C8orf74: variants seen among roughly 807,000 people sequenced by gnomAD.
C8orf74 encodes uncharacterized protein C8orf74.
In C8orf74, 29 loss-of-function variants were observed where a neutral mutation model predicts 22.2. That is an observed-to-expected ratio of 1.31 (90% CI 0.97 to 1.78). The LOEUF (loss-of-function observed/expected upper bound fraction) is 1.78. Ranked by LOEUF, C8orf74 falls within the 40% of genes most tolerant of loss-of-function variation. The pLI is 0.00. For missense variants in C8orf74, 515 were observed against 369.9 expected (o/e 1.39, Z -3.22); for synonymous variants, 255 against 163.1 (o/e 1.56, Z -4.30).
intron 2 of C8orf74, among the ~76,000 whole-genome samples, chr8:10,680,746 C>G (rs1376542471): frequency 6.6e-6 from 1 of 152,176 alleles, no homozygotes. Flanking sequence ...GAGCAGGAAG[C>G]TGTTTGCTGT....
In C8orf74 at chr8:10,676,618, G is replaced by A. The variant is rs534037232; in HGVS notation, c.241+1780G>A. Among the ~76,000 whole-genome samples, 16 of 152,166 alleles carry A rather than the reference G, an allele frequency of 1.1e-4. No homozygotes were observed. In the East Asian group the frequency reaches 2.5e-3, roughly 24 times the overall value. ...TTCCAATTCTCTCCTGCCAGCCTGC[G>A]TTCCCACCCAGTGGTCCCAGCCTAA... On this transcript the variant is annotated intron_variant, in intron 2 of 3. Transcript: ENST00000304519.
chr8:10,696,740 G>T (rs1183110729), intron 2 of C8orf74, among the ~76,000 whole-genome samples: 1 of 151,882 alleles, frequency 6.6e-6, no homozygotes, highest in African/African-American at 2.4e-5. Flanking sequence ...GAGCCATCAC[G>T]CCCCACTGCC....
At chr8:10,696,541 G>C (rs1799505904) in intron 2 of C8orf74, among the ~76,000 whole-genome samples, 1 of 146,016 alleles carries the variant, frequency 6.8e-6, no homozygotes, top group Non-Finnish European at 1.5e-5. Flanking sequence ...TCCACCTCCT[G>C]GGTTCAAGCA....
chr8:10,698,065 G>T (rs1799571031), intron 3 of C8orf74, 60 bp downstream of exon 3: 1 of 1,425,420 alleles, frequency 7.0e-7, no homozygotes, highest in Non-Finnish European at 9.2e-7. Flanking sequence ...ACCAGCCAGG[G>T]CTGGAGTCAC....
chr8:10,679,457 A>C (rs888777214), intron 2 of C8orf74, among the ~76,000 whole-genome samples: 8 of 152,076 alleles, frequency 5.3e-5, no homozygotes, highest in Admixed American at 5.2e-4. Flanking sequence ...CCCCAGCCCT[A>C]ACCTTGATCT....
intron 2 of C8orf74, among the ~76,000 whole-genome samples, chr8:10,677,230 G>T (rs556337153): frequency 6.6e-6 from 1 of 152,084 alleles, no homozygotes; most frequent in Non-Finnish European, 1.5e-5. Context: ...GTCCTTTCTT[G>T]TATCTAGCCT....
At chr8:10,674,933 G>GCTCCTCCA in intron 2 of C8orf74, 95 bp downstream of exon 2, 2 of 1,071,000 alleles carry the variant, frequency 1.9e-6, no homozygotes, top group Non-Finnish European at 2.7e-6. Context: ...AGCAGCCTTG[G>GCTCCTCCA]AGGAGCCAGG....
rs762405421 is a variant in C8orf74 at position 10,674,755 on chromosome 8, T to A, written c.158T>A (p.Ile53Asn). ...ILLDTLYESI[I>N]FAVGKGFPWV... ...CTGGACACCCTCTACGAGAGCATCA[T>A]CTTTGCAGTGGGCAAAGGCTTCCCA... The change falls in exon 2 of 4, where the codon ATC (isoleucine) becomes AAC (asparagine). Residue 53 changes from isoleucine (I) to asparagine (N), a missense_variant. Transcript: ENST00000304519. The A allele has an allele frequency of 4.9e-5, 78 of 1,607,294 alleles. No homozygotes were observed. Among genetic ancestry groups the A allele is most frequent in the Non-Finnish European group, 6.2e-5 (73 of 1,177,060 alleles).
At chr8:10,691,227 C>G in intron 2 of C8orf74, 1 of 306,686 alleles carries the variant, frequency 3.3e-6, no homozygotes, top group South Asian at 3.0e-5. Context: ...TTTGTATGAC[C>G]TCTTAGGAGC....
At chr8:10,695,628 C>A (rs190857873) in intron 2 of C8orf74, among the ~76,000 whole-genome samples, 2 of 152,250 alleles carry the variant, frequency 1.3e-5, no homozygotes, top group African/African-American at 2.4e-5. Context: ...CCTCAGTGAC[C>A]AGCCAAGAGG....
intron 2 of C8orf74, 97 bp downstream of exon 2, chr8:10,674,935 G>A: frequency 9.5e-7 from 1 of 1,054,056 alleles, no homozygotes; most frequent in Non-Finnish European, 1.4e-6. Flanking sequence ...CAGCCTTGGA[G>A]GAGCCAGGGC....
intron 2 of C8orf74, among the ~76,000 whole-genome samples, chr8:10,679,336 A>G (rs774447455): frequency 6.6e-6 from 1 of 152,084 alleles, no homozygotes; most frequent in Non-Finnish European, 1.5e-5. Flanking sequence ...GGTCTCCTGC[A>G]TGCCCCGCCC....
chr8:10,690,023 G>C (rs190285264), intron 2 of C8orf74, among the ~76,000 whole-genome samples: 1 of 152,320 alleles, frequency 6.6e-6, no homozygotes, highest in African/African-American at 2.4e-5. Flanking sequence ...TTGTCCCAGA[G>C]TCAACTGTAA....
In C8orf74 at chr8:10,685,492, C is replaced by T. The variant is rs146927671; in HGVS notation, c.241+10654C>T. 1.5e-3 allele frequency among the ~76,000 whole-genome samples: 234 copies of T among 152,304 alleles called. 1 individual carries two copies. Among genetic ancestry groups the T allele is most frequent in the African/African-American group, 5.1e-3 (214 of 41,558 alleles). Reference sequence around the variant, plus strand: ...AGGAAGGCAATTCTGTCCCATGCTACGACACGGAGGAACCTTGAAGACATT... The same window carrying T: ...AGGAAGGCAATTCTGTCCCATGCTATGACACGGAGGAACCTTGAAGACATT... On this transcript the variant is annotated intron_variant, in intron 2 of 3. Transcript: ENST00000304519.
intron 2 of C8orf74, among the ~76,000 whole-genome samples, chr8:10,676,910 G>C (rs1260694917): frequency 6.6e-6 from 1 of 152,166 alleles, no homozygotes; most frequent in Non-Finnish European, 1.5e-5. Context: ...ACTCTTTCAA[G>C]TCCCCATCAG....
intron 2 of C8orf74, chr8:10,692,653 T>C (rs905450289): frequency 1.3e-5 from 2 of 151,934 alleles, no homozygotes; most frequent in East Asian, 1.9e-4. Flanking sequence ...ACTAAAGGCA[T>C]GCACCACCAT....
chr8:10,675,898 G>C (rs1799022710), intron 2 of C8orf74: 1 of 152,208 alleles, frequency 6.6e-6, no homozygotes, highest in Non-Finnish European at 1.5e-5. Context: ...CGTGACCTGT[G>C]GCCTGTCTGG....
chr8:10,679,306 A>G (rs1430463127), intron 2 of C8orf74, among the ~76,000 whole-genome samples: 1 of 152,094 alleles, frequency 6.6e-6, no homozygotes, highest in Non-Finnish European at 1.5e-5. Flanking sequence ...CCTGGGCTCC[A>G]CTGTCCACCT....
Position 10,674,833 on chromosome 8 carries a change from C to G in C8orf74, c.236C>G (p.Thr79Ser). Residue 79 changes from threonine to serine, a missense_variant, in exon 2 of 4, where the codon ACC (threonine) becomes AGC (serine). Thr to Ser is a moderately conservative substitution (Grantham distance 58, BLOSUM62 1). Coordinates refer to ENST00000304519, the MANE Select transcript of C8orf74 (RefSeq NM_001040032.2). Reference sequence around the variant, plus strand: ...TTCACAGAAGAGCTGCTAAGGGAAACCAAAGGTATGGTGTGTCCAGGGCAG... The same window carrying G: ...TTCACAGAAGAGCTGCTAAGGGAAAGCAAAGGTATGGTGTGTCCAGGGCAG... ...VKFTEELLRE[T>S]KGCSITEAVT... is the part of the protein sequence containing the mutation. 4.4e-6 allele frequency: 7 copies of G among 1,599,118 alleles called. No homozygotes were observed. Among genetic ancestry groups the G allele is most frequent in the Non-Finnish European group, 6.0e-6 (7 of 1,172,988 alleles).
Sources: gnomAD v4.1 joint callset for allele counts (sites outside exome capture counted in the v4.1 genomes callset) on GRCh38, gnomAD v4.1.1 for gene constraint, MANE v1.5 for transcripts, NCBI Gene and HGNC (gene_info 2026-07-23, HGNC 2026-07-21) for gene names.